The following WNT10A variants were observed in gnomAD, a reference collection of about 807,000 sequenced individuals.
WNT10A encodes protein Wnt-10a.
In WNT10A, 37 loss-of-function variants were observed where a neutral mutation model predicts 36.1. That is an observed-to-expected ratio of 1.02 (90% CI 0.79 to 1.35). The LOEUF (loss-of-function observed/expected upper bound fraction) is 1.35, where lower values mean the gene tolerates loss of function less well. Ranked by LOEUF, WNT10A falls within the 40% of genes most tolerant of loss-of-function variation. WNT10A has a pLI of 0.00. For synonymous variants in WNT10A, 255 were observed against 254.1 expected (o/e 1.00, Z -0.03); for missense variants, 613 against 601.4 (o/e 1.02, Z -0.20).
chr2:218,887,373 A>T (rs533884813), intron 2 of WNT10A, among the ~76,000 whole-genome samples: 5 of 152,098 alleles, frequency 3.3e-5, no homozygotes, highest in Admixed American at 2.0e-4. Flanking sequence ...CGGCAATAAG[A>T]GAAATGCTCA....
At position 218,893,182 on chromosome 2, in the gene WNT10A, A is replaced by T; in HGVS notation, c.1165A>T (p.Ser389Cys). The T allele has an allele frequency of 6.3e-7, 1 of 1,581,040 alleles. No homozygotes were observed. Among genetic ancestry groups the T allele is most frequent in the Non-Finnish European group, 8.5e-7 (1 of 1,170,372 alleles). Reference sequence around the variant, plus strand: ...CCACAACATCCTGCGCCAGACGCGCAGCGAGCGCTGCCACTGCCGCTTCCA... The same window carrying T: ...CCACAACATCCTGCGCCAGACGCGCTGCGAGCGCTGCCACTGCCGCTTCCA... ...RGHNILRQTR[S>C]ERCHCRFHWC... Residue 389 changes from serine to cysteine, a missense_variant, in exon 4 of 4, where the codon AGC becomes TGC. Transcript: ENST00000258411. This position sits in a 1 kb window ranked among gnomAD's most constrained non-coding sequence, Gnocchi z 6.3.
intron 3 of WNT10A, among the ~76,000 whole-genome samples, chr2:218,891,758 G>A (rs966586078): frequency 6.6e-6 from 1 of 152,226 alleles, no homozygotes; most frequent in Non-Finnish European, 1.5e-5. Context: ...ACGCTGTGGA[G>A]CCCTTTCAGA....
chr2:218,878,098 C>A (rs996739994), upstream of WNT10A, among the ~76,000 whole-genome samples: 1 of 152,128 alleles, frequency 6.6e-6, no homozygotes, highest in South Asian at 2.1e-4. This position sits in a 1 kb window ranked among gnomAD's most constrained non-coding sequence, Gnocchi z 4.1. Context: ...TGGTCTTAGG[C>A]GGCGGCTGCG....
Position 218,892,959 on chromosome 2 carries a change from A to G in WNT10A, c.942A>G (p.Pro314=), listed in dbSNP as rs964842903. 3 of 1,444,608 alleles carry G rather than the reference A, an allele frequency of 2.1e-6. No individual in the cohort carries two copies. The African/African-American group carries it at 4.4e-5, about 21-fold the overall frequency. 89.5% of individuals were successfully genotyped at this position (1,444,608 alleles called of 1,614,324 possible). A position where few individuals can be genotyped will look rare whatever the true frequency, so the allele number is the denominator to read the frequency against. Residue 314 remains proline (P), a synonymous_variant, in exon 4 of 4, where the codon CCA becomes CCG. Coordinates refer to ENST00000258411, the MANE Select transcript of WNT10A (RefSeq NM_025216.3). ...NRNGGQLEPG[P]AGAPSPAPGA... is the part of the protein sequence containing the mutation. ...ACGGCGGCCAGCTGGAGCCGGGCCC[A>G]GCGGGGGCACCCTCGCCGGCTCCGG...
chr2:218,876,858 A>C (rs750615030), upstream of WNT10A, among the ~76,000 whole-genome samples: 5 of 144,168 alleles, frequency 3.5e-5, no homozygotes, highest in Non-Finnish European at 7.4e-5. Context: ...CCTGCAGGAC[A>C]TCTGGGAAAC....
intron 1 of WNT10A, among the ~76,000 whole-genome samples, chr2:218,881,359 T>TG (rs1261125603): frequency 9.0e-4 from 135 of 150,706 alleles, no homozygotes; most frequent in Middle Eastern, 3.4e-3. Flanking sequence ...GAGGTGTGTG[T>TG]GGGGGGGGAG....
chr2:218,888,864 A>G (rs1944613069), intron 2 of WNT10A, among the ~76,000 whole-genome samples: 1 of 152,108 alleles, frequency 6.6e-6, no homozygotes, highest in East Asian at 1.9e-4. Flanking sequence ...ATCATTGACA[A>G]TTTATTCTCT....
At position 218,892,858 on chromosome 2, in the gene WNT10A, C is replaced by T. The variant is rs541715493; in HGVS notation, c.841C>T (p.Pro281Ser). Residue 281 changes from proline (P) to serine (S), a missense_variant, in exon 4 of 4, where the codon CCC becomes TCC. By Grantham distance (74) the Pro-to-Ser change is moderately conservative. Transcript: ENST00000258411. Reference protein sequence around the residue: ...CQLKTCWQVTPEFRTVGALLR... With the variant: ...CQLKTCWQVTSEFRTVGALLR... Reference sequence around the variant, plus strand: ...GCTCAAGACGTGCTGGCAGGTGACGCCCGAGTTCCGCACCGTGGGGGCGCT... The same window carrying T: ...GCTCAAGACGTGCTGGCAGGTGACGTCCGAGTTCCGCACCGTGGGGGCGCT... 2 of 1,585,484 alleles carry T rather than the reference C, an allele frequency of 1.3e-6. No individual in the cohort carries two copies. The highest frequency in any genetic ancestry group is 1.7e-6 in the Non-Finnish European group (2 of 1,167,846).
chr2:218,889,657 G>T (rs776936678), intron 2 of WNT10A, among the ~76,000 whole-genome samples: 27 of 152,200 alleles, frequency 1.8e-4, no homozygotes, highest in Non-Finnish European at 2.8e-4. Flanking sequence ...ATTGTAAAAA[G>T]AATGTGTTTA....
chr2:218,886,767 T>G (rs1407002486), intron 2 of WNT10A, among the ~76,000 whole-genome samples: 1 of 152,168 alleles, frequency 6.6e-6, no homozygotes. Flanking sequence ...ACTGGGGCCC[T>G]GAACAGGAGC....
Position 218,882,156 on chromosome 2 carries a change from T to C in WNT10A, c.114-5T>C. The stretch of plus-strand genomic sequence containing the variant: ...ACGTACCCACTCCACCCCATATGTC[T>C]GCAGGTCAGCACCCAATGACATTCT... On this transcript the variant is annotated splice_polypyrimidine_tract_variant and splice_region_variant and intron_variant, in intron 1 of 3. Coordinates refer to ENST00000258411, the MANE Select transcript of WNT10A (RefSeq NM_025216.3). 1 of 1,613,950 alleles carries C rather than the reference T, an allele frequency of 6.2e-7. No individual in the cohort carries two copies. The highest frequency in any genetic ancestry group is 1.1e-5 in the South Asian group (1 of 91,066).
intron 2 of WNT10A, chr2:218,883,985 G>C (rs1559413197): frequency 6.6e-6 from 1 of 152,274 alleles, no homozygotes; most frequent in Non-Finnish European, 1.5e-5. Flanking sequence ...TTTCCCTTCG[G>C]GGCCCTCGGG....
At position 218,881,003 on chromosome 2, in the gene WNT10A, G is replaced by T. The variant is rs1224131248; in HGVS notation, c.8G>T (p.Ser3Ile). Residue 3 changes from serine to isoleucine, a missense_variant, in exon 1 of 4, where the codon AGC (serine) becomes ATC (isoleucine). Ser to Ile is a moderately radical substitution (Grantham distance 142). Coordinates refer to ENST00000258411, the MANE Select transcript of WNT10A (RefSeq NM_025216.3). The stretch of plus-strand genomic sequence containing the variant: ...CGTCAGGGCCTGCGCGCCATGGGCA[G>T]CGCCCACCCTCGCCCCTGGCTGCGG... MG[S>I]AHPRPWLRLR... 6.3e-7 allele frequency: 1 copy of T among 1,577,188 alleles called. No homozygotes were observed. Among genetic ancestry groups the T allele is most frequent in the Non-Finnish European group, 8.6e-7 (1 of 1,161,086 alleles).
chr2:218,893,375 A>G lies in WNT10A; in HGVS notation c.*104A>G. 7.0e-7 allele frequency: 1 copy of G among 1,435,896 alleles called. No individual in the cohort carries two copies. The highest frequency in any genetic ancestry group is 9.2e-7 in the Non-Finnish European group (1 of 1,086,570). The allele number at this position is 1,435,896 out of a possible 1,614,324, so 88.9% of individuals were successfully genotyped here. ...CAGCATCGCCTTGGCTCTTGGGAAG[A>G]GGAGATTGGACCACATGATCTTATA... On this transcript the variant is annotated 3_prime_UTR_variant, in exon 4 of 4. Coordinates refer to ENST00000258411, the MANE Select transcript of WNT10A (RefSeq NM_025216.3). The surrounding 1 kb of genome is among the most constrained non-coding windows in gnomAD (Gnocchi z 6.3).
At chr2:218,889,124 C>CA (rs1944615546) in intron 2 of WNT10A, among the ~76,000 whole-genome samples, 1 of 152,192 alleles carries the variant, frequency 6.6e-6, no homozygotes, top group African/African-American at 2.4e-5. Context: ...CATTCTTATG[C>CA]CTTTGCATCC....
chr2:218,882,309 G>C lies in WNT10A; in HGVS notation c.262G>C (p.Gly88Arg). 6.2e-7 allele frequency: 1 copy of C among 1,614,124 alleles called. No homozygotes were observed. Among genetic ancestry groups the C allele is most frequent in the South Asian group, 1.1e-5 (1 of 91,084 alleles). Residue 88 changes from glycine to arginine, a missense_variant, in exon 2 of 4, where the codon GGC (glycine) becomes CGC (arginine). Gly to Arg is a moderately radical substitution (Grantham distance 125). Coordinates refer to ENST00000258411, the MANE Select transcript of WNT10A (RefSeq NM_025216.3). ...TGATGTGGCTGCCTCAGCCATACAG[G>C]GCATCCAGATCGCCATCCACGAATG... is the stretch of plus-strand genomic sequence containing the variant. ...HPDVAASAIQGIQIAIHECQH... is the reference protein window; with the variant it reads ...HPDVAASAIQRIQIAIHECQH...
chr2:218,893,432 C>G lies in WNT10A; in HGVS notation c.*161C>G. The G allele has an allele frequency of 1.9e-6, 2 of 1,077,312 alleles. No individual in the cohort carries two copies. The highest frequency in any genetic ancestry group is 2.6e-6 in the Non-Finnish European group (2 of 774,576). 66.7% of individuals were successfully genotyped at this position (1,077,312 alleles called of 1,614,324 possible). On this transcript the variant is annotated 3_prime_UTR_variant, in exon 4 of 4. Transcript: ENST00000258411. This position sits in a 1 kb window ranked among gnomAD's most constrained non-coding sequence, Gnocchi z 6.3. ...CCTCAGCTCTGAGGTCTGTGATCGC[C>G]GGACAGTCCAGGCCTGTCTGAACCC... is the stretch of plus-strand genomic sequence containing the variant.
intron 3 of WNT10A, 37 bp from the exon 4 acceptor site, chr2:218,892,737 C>A: frequency 2.6e-6 from 4 of 1,556,524 alleles, no homozygotes; most frequent in Non-Finnish European, 3.5e-6. Context: ...AGTGGGGCTG[C>A]GCGCCGTGTC....
chr2:218,881,043 C>G lies in WNT10A; in HGVS notation c.48C>G (p.Pro16=). The G allele has an allele frequency of 6.2e-7, 1 of 1,603,132 alleles. No homozygotes were observed. Among genetic ancestry groups the G allele is most frequent in the Non-Finnish European group, 8.5e-7 (1 of 1,175,194 alleles). Residue 16 remains proline, a synonymous_variant, in exon 1 of 4, where the codon CCC becomes CCG. Coordinates refer to ENST00000258411, the MANE Select transcript of WNT10A (RefSeq NM_025216.3). ...PRPWLRLRPQ[P]QPRPALWVLL... The stretch of plus-strand genomic sequence containing the variant: ...CCTGGCTGCGGCTCCGACCCCAGCC[C>G]CAGCCGCGGCCAGCGCTCTGGGTGC...
Sources: gnomAD v4.1 joint callset for allele counts (sites outside exome capture counted in the v4.1 genomes callset) on GRCh38, gnomAD v4.1.1 for gene constraint, Gnocchi (gnomAD v3.1) non-coding constraint, MANE v1.5 for transcripts, NCBI Gene and HGNC (gene_info 2026-07-23, HGNC 2026-07-21) for gene names.